Variants in TESMIN observed in about 807,000 individuals in gnomAD.
TESMIN encodes testis expressed metallothionein like protein.
In TESMIN, 34 loss-of-function variants were observed where a neutral mutation model predicts 47.4. That is an observed-to-expected ratio of 0.72 (90% CI 0.55 to 0.96). The LOEUF (loss-of-function observed/expected upper bound fraction) is 0.96, where lower values mean the gene tolerates loss of function less well. Ranked by LOEUF, TESMIN falls within the 40% of genes least tolerant of loss-of-function variation. The pLI, the probability that TESMIN is intolerant of heterozygous loss-of-function variation, is 0.00. For synonymous variants in TESMIN, 278 were observed against 258.9 expected (o/e 1.07, Z -0.71); for missense variants, 610 against 637.2 (o/e 0.96, Z 0.46).
rs996338719 is a variant in TESMIN at position 68,707,749 on chromosome 11, C to T, written c.*559G>A. ...GGGGCCTTAGGAAAGACTGACAGTT[C>T]GCGTGCCTCTGGGGAAATATCTACG... is the stretch of plus-strand genomic sequence containing the variant. On this transcript the variant is annotated 3_prime_UTR_variant, in exon 10 of 10. Coordinates refer to ENST00000255087, the MANE Select transcript of TESMIN (RefSeq NM_004923.3). The T allele has an allele frequency of 1.8e-5, 8 of 446,024 alleles. No individual in the cohort carries two copies. The highest frequency in any genetic ancestry group is 2.4e-5 in the Admixed American group (1 of 42,198). The allele number at this position is 446,024 out of a possible 1,614,324, so 27.6% of individuals were successfully genotyped here. A position where few individuals can be genotyped will look rare whatever the true frequency, so the allele number is the denominator to read the frequency against.
chr11:68,721,400 C>G (rs1232604835), intron 6 of TESMIN, among the ~76,000 whole-genome samples: 2 of 152,162 alleles, frequency 1.3e-5, no homozygotes, highest in Non-Finnish European at 2.9e-5. Context: ...CTCAGGGAAG[C>G]CTTCCCCGAC....
At chr11:68,718,523 T>C (rs1946168664) in intron 6 of TESMIN, among the ~76,000 whole-genome samples, 1 of 152,154 alleles carries the variant, frequency 6.6e-6, no homozygotes, top group East Asian at 1.9e-4. Context: ...AACATTTATA[T>C]AGTAAGAATT....
At chr11:68,719,221 C>T (rs1479356908) in intron 6 of TESMIN, among the ~76,000 whole-genome samples, 3 of 152,146 alleles carry the variant, frequency 2.0e-5, no homozygotes, top group African/African-American at 7.2e-5. Context: ...GTTGAGAAGA[C>T]CGTTACACAA....
chr11:68,722,272 T>G (rs148163461), intron 6 of TESMIN, among the ~76,000 whole-genome samples: 37 of 152,236 alleles, frequency 2.4e-4, no homozygotes, highest in African/African-American at 8.7e-4. Context: ...GGAAAGGGGA[T>G]GATGGAGAGT....
At chr11:68,713,533 G>T in intron 7 of TESMIN, 126 bp from the exon 8 acceptor site, 1 of 1,046,232 alleles carries the variant, frequency 9.6e-7, no homozygotes, top group Non-Finnish European at 1.4e-6. Flanking sequence ...TCTTGACATG[G>T]TTCAGAAGGT....
At position 68,750,204 on chromosome 11, in the gene TESMIN, C is replaced by A. The variant is rs1946572584; in HGVS notation, c.457G>T (p.Val153Phe). 1.3e-6 allele frequency: 2 copies of A among 1,489,124 alleles called. No homozygotes were observed. Among genetic ancestry groups the A allele is most frequent in the Non-Finnish European group, 1.8e-6 (2 of 1,131,698 alleles). The allele number at this position is 1,489,124 out of a possible 1,614,324, so 92.2% of individuals were successfully genotyped here. A position where few individuals can be genotyped will look rare whatever the true frequency, so the allele number is the denominator to read the frequency against. ...WVLEGASHPG[V>F]RMIPVEIKEA... is the part of the protein sequence containing the mutation. ...GCGGTTCTTACTGGGATCATGCGGA[C>A]GCCCGGGTGGGAGGCTCCTTCCAGG... Residue 153 changes from valine (V) to phenylalanine (F), a missense_variant, in exon 2 of 10, where the codon GTC (valine) becomes TTC (phenylalanine). Val to Phe is a conservative substitution (Grantham distance 50). Coordinates refer to ENST00000255087, the MANE Select transcript of TESMIN (RefSeq NM_004923.3).
chr11:68,715,718 T>C lies in TESMIN; in HGVS notation c.1020+119A>G, dbSNP rs1946128762. ...CCGGCAGGAATCAAGTTGTATTCAA[T>C]GTAAATTCTTCAAAACTGTGGGTTT... On this transcript the variant is annotated intron_variant, in intron 7 of 9. Transcript: ENST00000255087. 4 of 722,246 alleles carry C rather than the reference T, an allele frequency of 5.5e-6. No individual in the cohort carries two copies. The South Asian group carries it at 7.5e-5, about 13-fold the overall frequency. 44.7% of individuals were successfully genotyped at this position (722,246 alleles called of 1,614,324 possible). A position where few individuals can be genotyped will look rare whatever the true frequency, so the allele number is the denominator to read the frequency against.
At chr11:68,707,307 G>A (rs1232514369), downstream of TESMIN, 1 of 153,950 alleles carries the variant, frequency 6.5e-6, no homozygotes, top group Non-Finnish European at 1.4e-5. Context: ...TTGTACTTGA[G>A]TTTCCTGAAC....
intron 6 of TESMIN, among the ~76,000 whole-genome samples, chr11:68,733,138 CA>C (rs1188298350): frequency 6.6e-6 from 1 of 152,200 alleles, no homozygotes; most frequent in African/African-American, 2.4e-5. Flanking sequence ...TCAAGCATGG[CA>C]ATGAGGTCTG....
chr11:68,744,921 A>T (rs2153993052), intron 4 of TESMIN, 70 bp downstream of exon 4: 1 of 1,347,694 alleles, frequency 7.4e-7, no homozygotes, highest in Non-Finnish European at 1.0e-6. Context: ...CACTTTATAT[A>T]CAAAGCCAAA....
Position 68,708,488 on chromosome 11 carries a change from TGAGGAA to T in TESMIN, c.1341_1346del (p.Ser448_Ser449del). On this transcript the variant is annotated inframe_deletion, in exon 10 of 10. Transcript: ENST00000255087. ...CCTCCACCACCTCCCAGGAGATGCA[TGAGGAA>T]GGCCGCCTGTCAGAAACAGAGCAGT... 1 of 1,608,392 alleles carries T rather than the reference TGAGGAA, an allele frequency of 6.2e-7. No homozygotes were observed. Among genetic ancestry groups the T allele is most frequent in the South Asian group, 1.1e-5 (1 of 90,148 alleles).
chr11:68,723,374 G>A (rs190418949), intron 6 of TESMIN, among the ~76,000 whole-genome samples: 1,744 of 151,176 alleles, frequency 0.012, 15 homozygotes, highest in Non-Finnish European at 0.02. Flanking sequence ...TATTTCAAGC[G>A]GATGATAGTG....
chr11:68,747,378 C>T lies in TESMIN; in HGVS notation c.472-12G>A. The T allele has an allele frequency of 1.2e-6, 2 of 1,607,408 alleles. No homozygotes were observed. Among genetic ancestry groups the T allele is most frequent in the Non-Finnish European group, 1.7e-6 (2 of 1,174,086 alleles). ...TCCTTGATTTCAACCTAGAAAAAAG[C>T]AATAATTATTTTAGAGAACACATGG... is the stretch of plus-strand genomic sequence containing the variant. On this transcript the variant is annotated splice_polypyrimidine_tract_variant and intron_variant, in intron 2 of 9. Coordinates refer to ENST00000255087, the MANE Select transcript of TESMIN (RefSeq NM_004923.3).
intron 6 of TESMIN, chr11:68,738,187 A>G (rs1033072908): frequency 1.0e-6 from 1 of 986,460 alleles, no homozygotes; most frequent in Admixed American, 6.1e-5. Context: ...GAGGTCCCAG[A>G]TAAGTGCAGC....
At chr11:68,714,113 C>T (rs1003027883) in intron 7 of TESMIN, among the ~76,000 whole-genome samples, 2 of 152,204 alleles carry the variant, frequency 1.3e-5, no homozygotes, top group African/African-American at 4.8e-5. Flanking sequence ...ATTCAACGCT[C>T]TTTGTAAAAA....
At chr11:68,725,638 T>G (rs970850998) in intron 6 of TESMIN, among the ~76,000 whole-genome samples, 1 of 151,342 alleles carries the variant, frequency 6.6e-6, no homozygotes, top group East Asian at 2.0e-4. Flanking sequence ...ATGACAGTTT[T>G]TTGTTGTTGT....
chr11:68,739,412 T>C (rs1946430424), intron 5 of TESMIN, among the ~76,000 whole-genome samples: 2 of 152,218 alleles, frequency 1.3e-5, no homozygotes, highest in South Asian at 4.1e-4. Context: ...TCTCTTCTAC[T>C]CAGTAGCTTG....
At chr11:68,716,960 A>G (rs559436637) in intron 6 of TESMIN, among the ~76,000 whole-genome samples, 263 of 152,186 alleles carry the variant, frequency 1.7e-3, no homozygotes, top group African/African-American at 6.1e-3. Context: ...CCTTCTCCCC[A>G]TGTGCCAGTC....
At chr11:68,709,710 G>T (rs1349906234) in intron 9 of TESMIN, among the ~76,000 whole-genome samples, 2 of 152,152 alleles carry the variant, frequency 1.3e-5, no homozygotes, top group Non-Finnish European at 2.9e-5. Flanking sequence ...AAAAGATAGG[G>T]CTGCCCTTGG....
Sources: allele counts gnomAD v4.1 joint callset (sites outside exome capture counted in the v4.1 genomes callset), GRCh38; gene constraint gnomAD v4.1.1; transcripts MANE v1.5; gene names NCBI Gene and HGNC (gene_info 2026-07-23, HGNC 2026-07-21).